The following C2CD3 variants were observed in gnomAD, a reference collection of about 807,000 sequenced individuals.
The protein encoded by C2CD3 is C2 domain-containing protein 3.
C2CD3 carries 148 observed loss-of-function variants against 234.0 expected under a neutral mutation model. The observed-to-expected ratio is 0.63, with a 90% CI of 0.55 to 0.72. The LOEUF (loss-of-function observed/expected upper bound fraction) is 0.72, where lower values mean the gene tolerates loss of function less well. Among genes scored for constraint, C2CD3 ranks in the 30% least tolerant of loss-of-function variants. The probability of loss-of-function intolerance (pLI) is 0.00; values close to 1 mark genes in which losing one functional copy is unlikely to be tolerated. For missense variants in C2CD3, 2,577 were observed against 2,811.5 expected (o/e 0.92, Z 1.89); for synonymous variants, 1,000 against 1,035.4 (o/e 0.97, Z 0.66).
At chr11:74,039,394 G>A (rs146961933) in intron 29 of C2CD3, among the ~76,000 whole-genome samples, 5 of 152,236 alleles carry the variant, frequency 3.3e-5, no homozygotes, top group East Asian at 3.9e-4. Context: ...CTTGTTTCGC[G>A]CCCATTTGGT....
At chr11:74,106,970 C>T (rs1261723972) in intron 12 of C2CD3, among the ~76,000 whole-genome samples, 1 of 152,120 alleles carries the variant, frequency 6.6e-6, no homozygotes, top group Non-Finnish European at 1.5e-5. Context: ...ATATTAAAAG[C>T]TTTAAATATT....
chr11:74,120,877 G>A (rs1198603944), intron 8 of C2CD3, among the ~76,000 whole-genome samples: 1 of 152,086 alleles, frequency 6.6e-6, no homozygotes, highest in Non-Finnish European at 1.5e-5. Flanking sequence ...AAGAGCTAAG[G>A]CCAGGTGCAG....
intron 29 of C2CD3, among the ~76,000 whole-genome samples, chr11:74,040,558 C>CAT (rs1952985863): frequency 6.6e-6 from 1 of 151,846 alleles, no homozygotes; most frequent in Non-Finnish European, 1.5e-5. Context: ...AGTTTGAGAC[C>CAT]AGCCTGGCCA....
At chr11:74,054,498 C>T (rs970154093) in intron 26 of C2CD3, 109 bp downstream of exon 26, 36 of 627,228 alleles carry the variant, frequency 5.7e-5, no homozygotes, top group Admixed American at 3.4e-5. Context: ...GAATGCTTCA[C>T]TTGGTTTGGA....
chr11:74,148,428 TTA>T (rs1181520879), intron 3 of C2CD3, among the ~76,000 whole-genome samples: 1 of 151,576 alleles, frequency 6.6e-6, no homozygotes, highest in African/African-American at 2.4e-5. Flanking sequence ...CACATATACC[TTA>T]TATGTGTGTA....
chr11:74,038,181 A>T (rs1952833696), intron 29 of C2CD3, among the ~76,000 whole-genome samples: 1 of 152,116 alleles, frequency 6.6e-6, no homozygotes, highest in African/African-American at 2.4e-5. Flanking sequence ...TCACTCATTT[A>T]TTTAACACCT....
Position 74,123,115 on chromosome 11 carries a change from T to C in C2CD3, c.1238A>G (p.Asn413Ser), listed in dbSNP as rs1354299737. The C allele has an allele frequency of 6.2e-7, 1 of 1,613,182 alleles. No individual in the cohort carries two copies. Among genetic ancestry groups the C allele is most frequent in the Admixed American group, 1.7e-5 (1 of 59,990 alleles). ...LLGSAELSQG[N>S]FWDGLGSPPD... The stretch of plus-strand genomic sequence containing the variant: ...AGGAGAGCCTAGCCCATCCCAGAAA[T>C]TGCCTTGGGATAATTCAGCACTGCA... Residue 413 changes from asparagine (N) to serine (S), a missense_variant, in exon 8 of 33, where the codon AAT (asparagine) becomes AGT (serine). Transcript: ENST00000334126.
At chr11:74,083,163 A>G (rs934761846) in intron 22 of C2CD3, among the ~76,000 whole-genome samples, 3 of 152,208 alleles carry the variant, frequency 2.0e-5, no homozygotes, top group African/African-American at 7.2e-5. Context: ...CTGATCTTTG[A>G]GAAACCTGAC....
chr11:74,092,645 T>G, intron 18 of C2CD3, 57 bp from the exon 19 acceptor site: 1 of 1,450,936 alleles, frequency 6.9e-7, no homozygotes, highest in African/African-American at 1.4e-5. Context: ...TGATTCAGTC[T>G]GCCCCACAGA....
intron 32 of C2CD3, among the ~76,000 whole-genome samples, chr11:74,024,156 A>C (rs745659110): frequency 6.6e-6 from 1 of 152,242 alleles, no homozygotes; most frequent in Non-Finnish European, 1.5e-5. Flanking sequence ...TCAAACAAGA[A>C]GTGAATAAAG....
At chr11:74,123,547 C>T (rs1957294205) in intron 7 of C2CD3, among the ~76,000 whole-genome samples, 1 of 152,096 alleles carries the variant, frequency 6.6e-6, no homozygotes, top group Admixed American at 6.6e-5. Flanking sequence ...TTCACAGATA[C>T]ACCCACTTCC....
chr11:74,109,111 C>A lies in C2CD3; in HGVS notation c.1885G>T (p.Gly629Cys), dbSNP rs1018502631. The change falls in exon 12 of 33, where the codon GGT becomes TGT. Residue 629 changes from glycine to cysteine, a missense_variant. Physicochemically the swap from Gly to Cys is radical, Grantham distance 159. Coordinates refer to ENST00000334126, the MANE Select transcript of C2CD3 (RefSeq NM_001286577.2). ...CACCAGTGCTCTATCATTGGGCCAC[C>A]AAACTGTACTGGAAACACAAATCGC... ...QQRFVFPVQF[G>C]GPMIEHWWNS... 1 of 1,598,470 alleles carries A rather than the reference C, an allele frequency of 6.3e-7. No homozygotes were observed. The highest frequency in any genetic ancestry group is 8.5e-7 in the Non-Finnish European group (1 of 1,173,846).
At chr11:74,040,538 C>A (rs150084686) in intron 29 of C2CD3, among the ~76,000 whole-genome samples, 2 of 151,550 alleles carry the variant, frequency 1.3e-5, no homozygotes, top group Non-Finnish European at 2.9e-5. Flanking sequence ...TTTGGGGTCA[C>A]GAGGTCAGGA....
At chr11:74,080,800 G>T (rs900637379) in intron 22 of C2CD3, among the ~76,000 whole-genome samples, 12 of 152,120 alleles carry the variant, frequency 7.9e-5, no homozygotes, top group Non-Finnish European at 1.8e-4. Flanking sequence ...CCTGTGCCAA[G>T]ATCTTTCACA....
intron 2 of C2CD3, 29 bp downstream of exon 2, chr11:74,168,315 G>A (rs1856936318): frequency 6.3e-7 from 1 of 1,581,788 alleles, no homozygotes; most frequent in Non-Finnish European, 8.7e-7. Context: ...TATTACGTCT[G>A]CAGGTGCAAT....
rs767149204 is a variant in C2CD3, at chr11:74,100,609, G to A, written c.2648C>T (p.Thr883Ile). Residue 883 changes from threonine (T) to isoleucine (I), a missense_variant, in exon 15 of 33, where the codon ACT becomes ATT. Transcript: ENST00000334126. Reference sequence around the variant, plus strand: ...TCCTGGGCTCCGCACCTTATTCCAAGTTTCAATTACCATCACATTGTTCTT... The same window carrying A: ...TCCTGGGCTCCGCACCTTATTCCAAATTTCAATTACCATCACATTGTTCTT... ...RLKNNVMVIE[T>I]WNKVRSPGQD... 2 of 1,614,026 alleles carry A rather than the reference G, an allele frequency of 1.2e-6. No individual in the cohort carries two copies.
chr11:74,145,050 C>T (rs1159310273), intron 3 of C2CD3, among the ~76,000 whole-genome samples: 6 of 151,964 alleles, frequency 3.9e-5, no homozygotes, highest in Non-Finnish European at 5.9e-5. Flanking sequence ...TCTTCAGGTC[C>T]AGATCACTTT....
rs775190326 is a variant in C2CD3, at chr11:74,113,804, C to T, written c.1819G>A (p.Ala607Thr). ...CTTCCATCTGTAATTTTACTGGAGG[C>T]GAGTCGAACAACCTCAGTGATCAAA... is the stretch of plus-strand genomic sequence containing the variant. Reference protein sequence around the residue: ...TALITEVVRLASSKITDGKVK... With the variant: ...TALITEVVRLTSSKITDGKVK... Residue 607 changes from alanine to threonine, a missense_variant, in exon 11 of 33, where the codon GCC becomes ACC. By Grantham distance (58) the Ala-to-Thr change is moderately conservative. Transcript: ENST00000334126. 15 of 1,609,956 alleles carry T rather than the reference C, an allele frequency of 9.3e-6. No homozygotes were observed. The highest frequency in any genetic ancestry group is 5.0e-5 in the Admixed American group (3 of 59,940).
Position 74,098,229 on chromosome 11 carries a change from A to T in C2CD3, c.2759T>A (p.Leu920Gln). The T allele has an allele frequency of 6.2e-7, 1 of 1,614,154 alleles. No homozygotes were observed. ...FKDAKISRLL[L>Q]DAQYPVVAVD... ...AGCAACAACTGGGTACTGGGCATCC[A>T]GCAGCAGGCGAGAAATCTTAGCATC... Residue 920 changes from leucine to glutamine, a missense_variant, in exon 16 of 33, where the codon CTG becomes CAG. By Grantham distance (113) the Leu-to-Gln change is moderately radical. Transcript: ENST00000334126.
Sources: allele counts gnomAD v4.1 joint callset (sites outside exome capture counted in the v4.1 genomes callset), GRCh38; gene constraint gnomAD v4.1.1; transcripts MANE v1.5; gene names NCBI Gene and HGNC (gene_info 2026-07-23, HGNC 2026-07-21).